Variants in PLAT observed in about 807,000 individuals in gnomAD.
PLAT encodes the protein plasminogen activator, tissue type, also known as tissue-type plasminogen activator.
PLAT carries 48 observed loss-of-function variants against 74.9 expected under a neutral mutation model. The ratio of observed to expected loss-of-function variants is 0.64; its 90% confidence interval spans 0.51 to 0.82. The LOEUF (loss-of-function observed/expected upper bound fraction) is 0.82, where lower values mean the gene tolerates loss of function less well. PLAT is among the 40% of genes least tolerant of loss of function. PLAT has a pLI of 0.00. For synonymous variants in PLAT, 307 were observed against 294.4 expected, an observed-to-expected ratio of 1.04 and a Z score of -0.44; for missense variants, 673 against 736.2, an observed-to-expected ratio of 0.91 and a Z score of 0.99.
chr8:42,188,915 T>TC lies in PLAT; in HGVS notation c.253+18dup. ...GCTGGGATCACAGGCATGCACCACC[T>TC]CCCAGCCTCAGTACATACTTTTGAC... On this transcript the variant is annotated intron_variant, in intron 4 of 13. Coordinates refer to ENST00000220809, the MANE Select transcript of PLAT (RefSeq NM_000930.5). 2 of 1,604,138 alleles carry TC rather than the reference T, an allele frequency of 1.2e-6. No homozygotes were observed. The highest frequency in any genetic ancestry group is 1.7e-6 in the Non-Finnish European group (2 of 1,172,768).
At position 42,175,212 on chromosome 8, in the gene PLAT, A is replaced by G. The variant is rs1401945463; in HGVS notation, c.*781T>C. On this transcript the variant is annotated 3_prime_UTR_variant, in exon 14 of 14. Transcript: ENST00000220809. Reference sequence around the variant, plus strand: ...ATAAAGAGTGGGATACAGCATCTATAACAAAACCATTCCACTCTGATTTTG... The same window carrying G: ...ATAAAGAGTGGGATACAGCATCTATGACAAAACCATTCCACTCTGATTTTG... The G allele has an allele frequency of 2.0e-5, 3 of 152,226 alleles. No individual in the cohort carries two copies. Among genetic ancestry groups the G allele is most frequent in the Non-Finnish European group, 4.4e-5 (3 of 68,040 alleles). 9.4% of individuals were successfully genotyped at this position (152,226 alleles called of 1,614,324 possible). A position where few individuals can be genotyped will look rare whatever the true frequency, so the allele number is the denominator to read the frequency against.
rs1804937837 is a variant in PLAT, at chr8:42,175,611, CT to C, written c.*381del. On this transcript the variant is annotated 3_prime_UTR_variant, in exon 14 of 14. Transcript: ENST00000220809. ...CGTCTTTCCTGAAAGATCTTGTTAT[CT>C]TTTACTATTGAGACATGCTTTCATT... 1 of 172,526 alleles carries C rather than the reference CT, an allele frequency of 5.8e-6. No homozygotes were observed. Among genetic ancestry groups the C allele is most frequent in the South Asian group, 1.7e-4 (1 of 5,930 alleles). The allele number at this position is 172,526 out of a possible 1,614,324, so 10.7% of individuals were successfully genotyped here.
intron 8 of PLAT, chr8:42,182,392 C>CCTG: frequency 9.7e-6 from 1 of 103,302 alleles, no homozygotes; most frequent in Non-Finnish European, 2.0e-5. Context: ...GTGTTCTAAT[C>CCTG]TCATAGGGTT....
intron 1 of PLAT, among the ~76,000 whole-genome samples, chr8:42,197,080 G>T (rs975467244): frequency 6.6e-6 from 1 of 152,170 alleles, no homozygotes; most frequent in Non-Finnish European, 1.5e-5. Flanking sequence ...ATTTGCAAAA[G>T]GTACCCTCTC....
In PLAT at chr8:42,189,010, A is replaced by C; in HGVS notation, c.177T>G (p.Pro59=). ...ATTCCACCCGGTTGCTTCTGAGCAC[A>C]GGGCGCAGCCATGACTGATGTTGCT... is the stretch of plus-strand genomic sequence containing the variant. ...IYQQHQSWLR[P]VLRSNRVEYC... Residue 59 remains proline, a synonymous_variant, in exon 4 of 14, where the codon CCT becomes CCG. Transcript: ENST00000220809. 6.2e-7 allele frequency: 1 copy of C among 1,614,056 alleles called. No individual in the cohort carries two copies. Among genetic ancestry groups the C allele is most frequent in the Non-Finnish European group, 8.5e-7 (1 of 1,179,900 alleles).
intron 1 of PLAT, among the ~76,000 whole-genome samples, chr8:42,194,260 G>A (rs1295452574): frequency 6.6e-6 from 1 of 150,590 alleles, no homozygotes; most frequent in Non-Finnish European, 1.5e-5. Context: ...GTGTGTGTGT[G>A]TGTGTGTGTG....
chr8:42,194,037 TTC>T, intron 1 of PLAT, among the ~76,000 whole-genome samples: 1 of 110,912 alleles, frequency 9.0e-6, no homozygotes, highest in Non-Finnish European at 1.8e-5. Flanking sequence ...TTTTCCTTTC[TTC>T]TTTCTTCTTT....
chr8:42,187,478 G>A lies in PLAT; in HGVS notation c.459C>T (p.Ser153=). Residue 153 remains serine, a synonymous_variant, in exon 6 of 14, where the codon AGC becomes AGT. Transcript: ENST00000220809. ...TGTAGGGCTTCTGGGCCAACGCGCT[G>A]CTGTTCCAGTTGGTGCACTCGGCGC... The part of the protein sequence containing the change: ...ESGAECTNWN[S]SALAQKPYSG... 6.2e-7 allele frequency: 1 copy of A among 1,609,868 alleles called. No homozygotes were observed. Among genetic ancestry groups the A allele is most frequent in the Non-Finnish European group, 8.5e-7 (1 of 1,179,832 alleles).
chr8:42,195,523 T>C (rs1269962816), intron 1 of PLAT: 1 of 152,236 alleles, frequency 6.6e-6, no homozygotes, highest in Non-Finnish European at 1.5e-5. Flanking sequence ...GGTGTCCCTT[T>C]CTCCCCGGGA....
intron 1 of PLAT, among the ~76,000 whole-genome samples, chr8:42,205,391 G>T (rs1806291885): frequency 6.6e-6 from 1 of 152,162 alleles, no homozygotes; most frequent in Non-Finnish European, 1.5e-5. Context: ...ACCAGGTGTG[G>T]TGGCAGGCGC....
In PLAT at chr8:42,207,548, C is replaced by T. The variant is rs1319809375; in HGVS notation, c.-81G>A. 1.3e-5 allele frequency: 2 copies of T among 152,280 alleles called. No individual in the cohort carries two copies. Among genetic ancestry groups the T allele is most frequent in the African/African-American group, 2.4e-5 (1 of 41,456 alleles). 9.4% of individuals were successfully genotyped at this position (152,280 alleles called of 1,614,324 possible). On this transcript the variant is annotated 5_prime_UTR_variant, in exon 1 of 14. Coordinates refer to ENST00000220809, the MANE Select transcript of PLAT (RefSeq NM_000930.5). The stretch of plus-strand genomic sequence containing the variant: ...AGGTTTTCTCTCCAGCCCTGGACTC[C>T]TGTAGGATCTCAGCTCTGAGCTCCC...
At chr8:42,194,618 C>A (rs1007767463) in intron 1 of PLAT, among the ~76,000 whole-genome samples, 10 of 152,166 alleles carry the variant, frequency 6.6e-5, no homozygotes, top group African/African-American at 9.7e-5. Flanking sequence ...CTAGATGGAG[C>A]CGCAGTCATG....
chr8:42,178,820 CT>C, intron 13 of PLAT, 76 bp downstream of exon 13: 1 of 1,403,334 alleles, frequency 7.1e-7, no homozygotes, highest in Non-Finnish European at 9.8e-7. Context: ...TAACTTTTTT[CT>C]TTGGTGAAGA....
rs1407114835 is a variant in PLAT at position 42,180,260 on chromosome 8, T to TG, written c.1203dup (p.Thr402HisfsTer5). On this transcript the variant is annotated frameshift_variant, in exon 11 of 14. Coordinates refer to ENST00000220809, the MANE Select transcript of PLAT (RefSeq NM_000930.5). LOFTEE classifies it high-confidence loss of function. ...CTCTTACCAATGTCATTGTCGTAAGTGTCATCATCGAATTCCTTATGGACA... is the reference window on the plus strand; with the variant it reads ...CTCTTACCAATGTCATTGTCGTAAGTGGTCATCATCGAATTCCTTATGGACA... 6.2e-7 allele frequency: 1 copy of TG among 1,614,112 alleles called. No homozygotes were observed. The highest frequency in any genetic ancestry group is 8.5e-7 in the Non-Finnish European group (1 of 1,180,040).
chr8:42,176,056 G>A lies in PLAT; in HGVS notation c.1626C>T (p.Val542=). ...TGGTAACCTTGGTGTACACACCCGG[G>A]ACATCCTTCTGTCCACAGCCCAGGC... ...SWGLGCGQKD[V]PGVYTKVTNY... Residue 542 remains valine (V), a synonymous_variant, in exon 14 of 14, where the codon GTC becomes GTT. Transcript: ENST00000220809. The A allele has an allele frequency of 6.2e-7, 1 of 1,614,106 alleles. No homozygotes were observed. Among genetic ancestry groups the A allele is most frequent in the African/African-American group, 1.3e-5 (1 of 75,036 alleles).
At chr8:42,194,869 G>C (rs959470875) in intron 1 of PLAT, among the ~76,000 whole-genome samples, 1 of 144,136 alleles carries the variant, frequency 6.9e-6, no homozygotes, top group Non-Finnish European at 1.5e-5. Flanking sequence ...GTGCATATTT[G>C]CAGGAAGGAG....
At chr8:42,186,081 G>A (rs979325351) in intron 6 of PLAT, 2 of 151,608 alleles carry the variant, frequency 1.3e-5, no homozygotes, top group African/African-American at 4.9e-5. Flanking sequence ...CATGAGCCAA[G>A]GGAAATGTCA....
intron 8 of PLAT, 66 bp from the exon 9 acceptor site, chr8:42,182,088 G>A: frequency 9.8e-7 from 1 of 1,024,736 alleles, no homozygotes; most frequent in Non-Finnish European, 1.5e-6. Flanking sequence ...GTAGAGATGG[G>A]GTCTTGCCAT....
At chr8:42,197,768 G>T (rs528291976) in intron 1 of PLAT, among the ~76,000 whole-genome samples, 1 of 152,212 alleles carries the variant, frequency 6.6e-6, no homozygotes, top group African/African-American at 2.4e-5. Flanking sequence ...CCAGCTCCTA[G>T]GAAAGGAACT....
Sources: allele counts gnomAD v4.1 joint callset (sites outside exome capture counted in the v4.1 genomes callset), GRCh38; gene constraint gnomAD v4.1.1; transcripts MANE v1.5; gene names NCBI Gene and HGNC (gene_info 2026-07-23, HGNC 2026-07-21).